Variants in GCC2 observed in about 807,000 individuals in gnomAD.
GCC2 encodes GRIP and coiled-coil domain containing 2, also known as GRIP and coiled-coil domain-containing protein 2.
A neutral mutation model predicts 210.6 loss-of-function variants in GCC2; 120 were observed. The observed-to-expected ratio is 0.57, with a 90% CI of 0.49 to 0.66. GCC2 has a LOEUF of 0.66. Among genes scored for constraint, GCC2 ranks in the 30% least tolerant of loss-of-function variants. The pLI is 0.00. For missense variants in GCC2, 1,868 were observed against 1,871.9 expected, an observed-to-expected ratio of 1.00 and a Z score of 0.04; for synonymous variants, 703 against 652.7, an observed-to-expected ratio of 1.08 and a Z score of -1.17.
rs766073111 is a variant in GCC2 at position 108,482,359 on chromosome 2, T to G, written c.3253T>G (p.Leu1085Val). Reference protein sequence around the residue: ...IETLQSNAKLLEVQILEVQRA... With the variant: ...IETLQSNAKLVEVQILEVQRA... ...GACATTACAGTCTAATGCCAAATTA[T>G]TAGAAGTACAGATTTTAGAAGTCCA... Residue 1085 changes from leucine (L) to valine (V), a missense_variant, in exon 11 of 23, where the codon TTA becomes GTA. By Grantham distance (32) the Leu-to-Val change is conservative (BLOSUM62 1). This residue lies in a region of GCC2 where 1,847 missense variants were observed against 1,765.2 expected (regional missense o/e 1.05). Coordinates refer to ENST00000309863, the MANE Select transcript of GCC2 (RefSeq NM_181453.4). The G allele has an allele frequency of 1.9e-6, 3 of 1,579,886 alleles. No individual in the cohort carries two copies. The Admixed American group carries it at 5.0e-5, about 26-fold the overall frequency.
At chr2:108,472,938 A>T (rs767222810) in intron 7 of GCC2, 39 bp downstream of exon 7, 1 of 1,161,770 alleles carries the variant, frequency 8.6e-7, no homozygotes, top group South Asian at 1.3e-5. Context: ...AATTAATTAG[A>T]CAGATTCTTC....
chr2:108,449,389 A>G (rs1463555134), intron 1 of GCC2, 109 bp downstream of exon 1: 1 of 1,472,942 alleles, frequency 6.8e-7, no homozygotes, highest in Non-Finnish European at 9.1e-7. Flanking sequence ...TGGTGTCCCG[A>G]AGCCCGCGCT....
rs780369989 is a variant in GCC2 at position 108,495,394 on chromosome 2, C to T, written c.4551C>T (p.Gly1517=). The T allele has an allele frequency of 8.3e-5, 130 of 1,574,734 alleles. 3 individuals are homozygous for T. The South Asian group carries it at 1.3e-3, about 16-fold the overall frequency. ...CTGTAACCCGGGAAGAGGGAGAAGG[C>T]ATGGAGACAACTGATACGGAGTCTG... ...MHTVTREEGE[G]METTDTESVS... Residue 1517 remains glycine, a synonymous_variant, in exon 20 of 23, where the codon GGC becomes GGT. Coordinates refer to ENST00000309863, the MANE Select transcript of GCC2 (RefSeq NM_181453.4).
rs559790972 is a variant in GCC2 at position 108,496,900 on chromosome 2, T to A, written c.4643-70T>A. On this transcript the variant is annotated intron_variant, in intron 20 of 22. Coordinates refer to ENST00000309863, the MANE Select transcript of GCC2 (RefSeq NM_181453.4). ...CATAGTAAGATATTTATATTTAGAT[T>A]TTTCTTATTTAGAATCTTCATCTTT... is the stretch of plus-strand genomic sequence containing the variant. 21 of 1,597,890 alleles carry A rather than the reference T, an allele frequency of 1.3e-5. 1 individual carries two copies. In the South Asian group the frequency reaches 2.1e-4, roughly 16 times the overall value.
intron 4 of GCC2, among the ~76,000 whole-genome samples, chr2:108,465,019 T>G (rs1249681470): frequency 6.6e-6 from 1 of 152,056 alleles, no homozygotes; most frequent in African/African-American, 2.4e-5. Context: ...GAACTCAGAG[T>G]GAGAGCTCAC....
intron 4 of GCC2, among the ~76,000 whole-genome samples, chr2:108,455,591 CAG>C (rs35526859): frequency 0.37 from 56,790 of 151,608 alleles, 12,296 homozygotes; most frequent in East Asian, 0.89. Context: ...ATCATTAAAT[CAG>C]AGTATTTACT....
chr2:108,492,846 TA>T, intron 19 of GCC2, 56 bp downstream of exon 19: 1 of 1,234,650 alleles, frequency 8.1e-7, no homozygotes, highest in Admixed American at 1.7e-5. Context: ...ATTTGTCTCT[TA>T]AATACATTCT....
intron 4 of GCC2, chr2:108,462,512 A>AATAC (rs1243208419): frequency 6.8e-6 from 1 of 148,116 alleles, no homozygotes; most frequent in African/African-American, 2.5e-5. Context: ...TAAATAAATA[A>AATAC]ATATTTGGTC....
intron 9 of GCC2, among the ~76,000 whole-genome samples, chr2:108,479,344 G>A (rs1233121391): frequency 6.6e-6 from 1 of 152,048 alleles, no homozygotes; most frequent in Non-Finnish European, 1.5e-5. Context: ...TCAAGGATCC[G>A]ATCTGGGAAG....
intron 2 of GCC2, among the ~76,000 whole-genome samples, chr2:108,450,576 G>C (rs1052332784): frequency 1.3e-5 from 2 of 152,182 alleles, no homozygotes; most frequent in African/African-American, 2.4e-5. Context: ...AATTGACGTT[G>C]CATTTGCTGA....
intron 1 of GCC2, 91 bp from the exon 2 acceptor site, chr2:108,449,542 T>C: frequency 7.3e-7 from 1 of 1,365,436 alleles, no homozygotes; most frequent in Non-Finnish European, 1.0e-6. Context: ...CTTGATTCCA[T>C]AGAAGGTTTT....
chr2:108,480,001 A>AAC (rs1681762117), intron 9 of GCC2, among the ~76,000 whole-genome samples: 2 of 119,788 alleles, frequency 1.7e-5, no homozygotes, highest in African/African-American at 5.4e-5. Flanking sequence ...AAAAAAAAAA[A>AAC]AAAAAAAACG....
intron 9 of GCC2, among the ~76,000 whole-genome samples, chr2:108,479,777 T>C (rs1681741111): frequency 6.6e-6 from 1 of 151,912 alleles, no homozygotes; most frequent in South Asian, 2.1e-4. Context: ...CTGAGGTCAA[T>C]TCAAGACCAG....
chr2:108,455,012 T>C (rs1020250367), intron 4 of GCC2, among the ~76,000 whole-genome samples: 1 of 152,128 alleles, frequency 6.6e-6, no homozygotes. Context: ...GAAAGTTTTT[T>C]ATCCATTAAC....
At chr2:108,498,746 C>T (rs538941696) in intron 21 of GCC2, among the ~76,000 whole-genome samples, 117 of 151,990 alleles carry the variant, frequency 7.7e-4, no homozygotes, top group Middle Eastern at 6.8e-3. Flanking sequence ...ATCTTATATT[C>T]CTGAATTTTC....
At position 108,507,405 on chromosome 2, in the gene GCC2, A is replaced by ACC. The variant is rs200527944; in HGVS notation, c.4985-145_4985-144dup. The ACC allele has an allele frequency of 7.0e-3, 1,922 of 272,938 alleles. 38 individuals carry two copies. The highest frequency in any genetic ancestry group is 0.021 in the East Asian group (156 of 7,320). 16.9% of individuals were successfully genotyped at this position (272,938 alleles called of 1,614,324 possible). On this transcript the variant is annotated intron_variant, in intron 22 of 22. Coordinates refer to ENST00000309863, the MANE Select transcript of GCC2 (RefSeq NM_181453.4). ...CAAGACCCTGTCTCAAAAAAAAAGA[A>ACC]CCCCCCCCCCCAAAAAAAAGGCATG...
At chr2:108,479,241 A>G (rs1191100181) in intron 9 of GCC2, among the ~76,000 whole-genome samples, 1 of 152,238 alleles carries the variant, frequency 6.6e-6, no homozygotes, top group Non-Finnish European at 1.5e-5. Context: ...TGGACAGACT[A>G]TAAAATCAAA....
At chr2:108,457,486 A>G (rs1429717389) in intron 4 of GCC2, among the ~76,000 whole-genome samples, 1 of 151,836 alleles carries the variant, frequency 6.6e-6, no homozygotes, top group South Asian at 2.1e-4. Flanking sequence ...TTTTGGTTTC[A>G]TGAAAACATT....
At chr2:108,456,198 G>A (rs535296655) in intron 4 of GCC2, among the ~76,000 whole-genome samples, 1 of 152,190 alleles carries the variant, frequency 6.6e-6, no homozygotes, top group Non-Finnish European at 1.5e-5. Flanking sequence ...TATTAGCCAG[G>A]ATGGTCTCGA....
Sources: gnomAD v4.1 joint callset for allele counts (sites outside exome capture counted in the v4.1 genomes callset) on GRCh38, gnomAD v4.1.1 for gene constraint, gnomAD v4.1.1 regional missense constraint, MANE v1.5 for transcripts, NCBI Gene and HGNC (gene_info 2026-07-23, HGNC 2026-07-21) for gene names.